The following SP140 variants were observed in gnomAD, a reference collection of about 807,000 sequenced individuals.
The protein encoded by SP140 is nuclear body protein SP140.
In SP140, 81 loss-of-function variants were observed where a neutral mutation model predicts 125.0. The observed-to-expected ratio is 0.65, with a 90% CI of 0.54 to 0.78. The LOEUF is 0.78. Ranked by LOEUF, SP140 falls within the 30% of genes least tolerant of loss-of-function variation. The pLI is 0.00. For missense variants in SP140, 858 were observed against 1,037.0 expected, an observed-to-expected ratio of 0.83 and a Z score of 2.37; for synonymous variants, 312 against 354.0, an observed-to-expected ratio of 0.88 and a Z score of 1.33.
chr2:230,203,922 T>C (rs1185050972), intron 1 of SP140, among the ~76,000 whole-genome samples: 1 of 152,212 alleles, frequency 6.6e-6, no homozygotes, highest in Non-Finnish European at 1.5e-5. Flanking sequence ...ATGGTGGTGA[T>C]GGTTGCACAA....
chr2:230,248,945 G>A lies in SP140; in HGVS notation c.953G>A (p.Cys318Tyr). Reference protein sequence around the residue: ...TNEGEPEKGLCLLPGEGEEGS... With the variant: ...TNEGEPEKGLYLLPGEGEEGS... ...GAAGGAGAACCAGAGAAGGGGCTCT[G>A]TCTACTACCAGGTGAAGGAGAAGGT... is the stretch of plus-strand genomic sequence containing the variant. Residue 318 changes from cysteine (C) to tyrosine (Y), a missense_variant, in exon 9 of 27, where the codon TGT becomes TAT. By Grantham distance (194) the Cys-to-Tyr change is radical. Around this residue, in one of 4 missense-constraint regions of SP140, gnomAD observed 791 missense variants for 869.5 expected, o/e 0.91. Transcript: ENST00000392045. 1.2e-6 allele frequency: 2 copies of A among 1,611,706 alleles called. No homozygotes were observed. Among genetic ancestry groups the A allele is most frequent in the East Asian group, 2.2e-5 (1 of 44,876 alleles).
chr2:230,249,066 C>T (rs2049954023), intron 9 of SP140, 98 bp downstream of exon 9: 1 of 859,566 alleles, frequency 1.2e-6, no homozygotes, highest in Non-Finnish European at 1.9e-6. Flanking sequence ...CCCTTCCCTT[C>T]TTCACATTCG....
upstream of SP140, chr2:230,203,004 C>G (rs2303540): frequency 8.5e-3 from 3,984 of 470,592 alleles, 79 homozygotes; most frequent in African/African-American, 0.056. Context: ...GAGCTTATTT[C>G]CTGATTTTCG....
upstream of SP140, among the ~76,000 whole-genome samples, chr2:230,199,563 T>A (rs1051605317): frequency 1.3e-5 from 2 of 152,070 alleles, no homozygotes; most frequent in African/African-American, 4.8e-5. Context: ...TCCAGGAACT[T>A]TTCTATGTTG....
At chr2:230,249,773 G>A (rs189304841) in intron 9 of SP140, among the ~76,000 whole-genome samples, 159 of 152,278 alleles carry the variant, frequency 1.0e-3, no homozygotes, top group African/African-American at 3.7e-3. Flanking sequence ...AAAGGGGCAG[G>A]TCGAGGGCCT....
In SP140 at chr2:230,225,783, C is replaced by T; in HGVS notation, c.-62C>T. 7.1e-7 allele frequency: 1 copy of T among 1,416,194 alleles called. No homozygotes were observed. Among genetic ancestry groups the T allele is most frequent in the Non-Finnish European group, 1.0e-6 (1 of 999,380 alleles). The allele number at this position is 1,416,194 out of a possible 1,614,324, so 87.7% of individuals were successfully genotyped here. On this transcript the variant is annotated 5_prime_UTR_variant, in exon 1 of 27. Transcript: ENST00000392045. ...CGAGGGGCAGTTGGCAGCTTCACCT[C>T]AGAGCTGCAGGAAGGAACGGGGCAG...
At chr2:230,287,336 C>T (rs1054350153) in intron 17 of SP140, among the ~76,000 whole-genome samples, 1 of 152,248 alleles carries the variant, frequency 6.6e-6, no homozygotes, top group South Asian at 2.1e-4. Context: ...GTGCAGCATA[C>T]ATCTCACCTA....
chr2:230,299,848 A>G (rs2058123541), intron 22 of SP140, among the ~76,000 whole-genome samples: 1 of 152,074 alleles, frequency 6.6e-6, no homozygotes, highest in Non-Finnish European at 1.5e-5. Context: ...GGCTTCCCTT[A>G]CTTATCTGGT....
intron 9 of SP140, among the ~76,000 whole-genome samples, chr2:230,249,993 C>T (rs573959441): frequency 8.5e-5 from 13 of 152,334 alleles, no homozygotes; most frequent in Non-Finnish European, 1.9e-4. Flanking sequence ...TTTCCAAGCT[C>T]TTCCATCCAT....
chr2:230,254,152 G>C (rs1322052392), intron 11 of SP140, among the ~76,000 whole-genome samples: 1 of 152,212 alleles, frequency 6.6e-6, no homozygotes. Flanking sequence ...AACAATGTTG[G>C]AAGGAAGCAC....
At chr2:230,240,289 A>G (rs1410411421) in intron 3 of SP140, among the ~76,000 whole-genome samples, 1 of 152,230 alleles carries the variant, frequency 6.6e-6, no homozygotes, top group Non-Finnish European at 1.5e-5. Context: ...ACAAAAAAAC[A>G]TGGATCATAA....
chr2:230,281,800 TCTC>T (rs2055605845), intron 15 of SP140, among the ~76,000 whole-genome samples: 3 of 152,296 alleles, frequency 2.0e-5, no homozygotes, highest in African/African-American at 7.2e-5. Context: ...TGTTTATAAT[TCTC>T]CTATTGATGG....
chr2:230,192,444 A>G, the SP140 span, among the ~76,000 whole-genome samples: 1 of 152,230 alleles, frequency 6.6e-6, no homozygotes, highest in Non-Finnish European at 1.5e-5. Flanking sequence ...AAGTCTCAGG[A>G]TACAAAATCA....
intron 3 of SP140, chr2:230,216,698 C>G: frequency 6.4e-7 from 1 of 1,553,230 alleles, no homozygotes; most frequent in Non-Finnish European, 8.9e-7. Flanking sequence ...TCTGGAAGCC[C>G]TGGTGGTTTG....
At chr2:230,307,968 TATATATATATATATATATATATACACAC>T (rs1243831346) in intron 22 of SP140, among the ~76,000 whole-genome samples, 3 of 79,302 alleles carry the variant, frequency 3.8e-5, no homozygotes, top group East Asian at 5.8e-4. Context: ...TATATATATA[TATATATATATATATATATATATACACAC>T]ACACACACAC....
chr2:230,292,756 T>C lies in SP140; in HGVS notation c.1936T>C (p.Cys646Arg). Reference sequence around the variant, plus strand: ...AAAGAACTGGAGGCTGAGTGTGCGCTGTGGCGGGTGGCCCCTACGATGGCT... The same window carrying C: ...AAAGAACTGGAGGCTGAGTGTGCGCCGTGGCGGGTGGCCCCTACGATGGCT... ...RSKNWRLSVR[C>R]GGWPLRWLME... The change falls in exon 20 of 27, where the codon TGT (cysteine) becomes CGT (arginine). Residue 646 changes from cysteine (C) to arginine (R), a missense_variant. This residue lies in a region of SP140 where 791 missense variants were observed against 869.5 expected (regional missense o/e 0.91). Transcript: ENST00000392045. The C allele has an allele frequency of 6.2e-7, 1 of 1,614,204 alleles. No individual in the cohort carries two copies. Among genetic ancestry groups the C allele is most frequent in the Non-Finnish European group, 8.5e-7 (1 of 1,180,016 alleles).
downstream of SP140, among the ~76,000 whole-genome samples, chr2:230,314,050 C>T (rs1360406213): frequency 6.6e-6 from 1 of 152,126 alleles, no homozygotes; most frequent in Admixed American, 6.6e-5. Context: ...CTATTACAGG[C>T]CTTTATTTTA....
intron 3 of SP140, among the ~76,000 whole-genome samples, chr2:230,240,897 C>G (rs188007453): frequency 6.6e-6 from 1 of 152,106 alleles, no homozygotes; most frequent in Non-Finnish European, 1.5e-5. Flanking sequence ...AATCTGGAAC[C>G]AACCCAAATG....
rs1295034755 is a variant in SP140, at chr2:230,225,790, G to T, written c.-55G>T. 3 of 1,473,968 alleles carry T rather than the reference G, an allele frequency of 2.0e-6. No homozygotes were observed. The highest frequency in any genetic ancestry group is 2.9e-6 in the Non-Finnish European group (3 of 1,052,218). 91.3% of individuals were successfully genotyped at this position (1,473,968 alleles called of 1,614,324 possible). ...CAGTTGGCAGCTTCACCTCAGAGCT[G>T]CAGGAAGGAACGGGGCAGTGAAAAT... On this transcript the variant is annotated 5_prime_UTR_variant, in exon 1 of 27. Transcript: ENST00000392045.
Sources: gnomAD v4.1 joint callset for allele counts (sites outside exome capture counted in the v4.1 genomes callset) on GRCh38, gnomAD v4.1.1 for gene constraint, gnomAD v4.1.1 regional missense constraint, MANE v1.5 for transcripts, NCBI Gene and HGNC (gene_info 2026-07-23, HGNC 2026-07-21) for gene names.